Variants in ARHGAP21 observed in about 807,000 individuals in gnomAD.
The protein encoded by ARHGAP21 is Rho GTPase activating protein 21.
A neutral mutation model predicts 164.6 loss-of-function variants in ARHGAP21; 38 were observed. That is an observed-to-expected ratio of 0.23 (90% confidence interval 0.18 to 0.30). ARHGAP21 has a LOEUF of 0.30. Among genes scored for constraint, ARHGAP21 ranks in the 10% least tolerant of loss-of-function variants. The pLI is 1.00. For synonymous variants in ARHGAP21, 766 were observed against 857.9 expected (o/e 0.89, Z 1.87); for missense variants, 1,822 against 2,370.7 (o/e 0.77, Z 4.81).
chr10:24,652,853 T>C (rs1007728383), intron 4 of ARHGAP21, among the ~76,000 whole-genome samples: 2 of 152,180 alleles, frequency 1.3e-5, no homozygotes, highest in Non-Finnish European at 1.5e-5. Context: ...GAAAACTGTT[T>C]AGCGGCATCT....
intron 2 of ARHGAP21, among the ~76,000 whole-genome samples, chr10:24,709,694 A>T (rs1844578955): frequency 6.6e-6 from 1 of 151,504 alleles, no homozygotes; most frequent in African/African-American, 2.4e-5. Flanking sequence ...AGCCATGTTC[A>T]TGTCACTGCA....
At chr10:24,688,545 G>A (rs1842426803) in intron 2 of ARHGAP21, among the ~76,000 whole-genome samples, 1 of 152,198 alleles carries the variant, frequency 6.6e-6, no homozygotes, top group Non-Finnish European at 1.5e-5. Flanking sequence ...CAGTAAGAGA[G>A]TACTGCTCCA....
intron 2 of ARHGAP21, among the ~76,000 whole-genome samples, chr10:24,705,585 G>A (rs1565193930): frequency 1.3e-5 from 2 of 152,224 alleles, no homozygotes; most frequent in Non-Finnish European, 2.9e-5. Context: ...TCACAGTTAT[G>A]GAAGAACTGA....
At chr10:24,678,021 G>A (rs1841989545) in intron 2 of ARHGAP21, among the ~76,000 whole-genome samples, 1 of 151,894 alleles carries the variant, frequency 6.6e-6, no homozygotes, top group South Asian at 2.1e-4. Context: ...CAGCACTTAG[G>A]GAGGCAGAGG....
chr10:24,711,303 A>G (rs1156869187), intron 2 of ARHGAP21, among the ~76,000 whole-genome samples: 1 of 151,964 alleles, frequency 6.6e-6, no homozygotes, highest in East Asian at 1.9e-4. Context: ...GAAGGGTTTC[A>G]GGCATTTGAT....
chr10:24,721,832 C>A lies in ARHGAP21; in HGVS notation c.63+5G>T. 1 of 1,614,192 alleles carries A rather than the reference C, an allele frequency of 6.2e-7. No individual in the cohort carries two copies. Among genetic ancestry groups the A allele is most frequent in the Non-Finnish European group, 8.5e-7 (1 of 1,180,022 alleles). ...GCCGGCCAGGAACGCTGGCTCCGCG[C>A]TTACCTCGCAGGCCTTGAGCTTGTC... On this transcript the variant is annotated splice_donor_5th_base_variant and intron_variant, in intron 2 of 25. Coordinates refer to ENST00000396432, the MANE Select transcript of ARHGAP21 (RefSeq NM_020824.4).
rs577073436 is a variant in ARHGAP21, at chr10:24,664,219, C to T, written c.268+2766G>A. On this transcript the variant is annotated intron_variant, in intron 4 of 25. Coordinates refer to ENST00000396432, the MANE Select transcript of ARHGAP21 (RefSeq NM_020824.4). ...GATCATATTCTCATCTTTTCTATGG[C>T]CACTGGCAAGCTCAAAAGCAAACTT... 4.6e-5 allele frequency among the ~76,000 whole-genome samples: 7 copies of T among 152,198 alleles called. No homozygotes were observed. In the East Asian group the frequency reaches 1.4e-3, roughly 29 times the overall value.
intron 25 of ARHGAP21, among the ~76,000 whole-genome samples, chr10:24,586,651 G>A (rs1033835855): frequency 6.6e-6 from 1 of 152,188 alleles, no homozygotes. Flanking sequence ...AGGGAACTCT[G>A]GTCTTCCATT....
chr10:24,591,421 A>G (rs1266763917), intron 23 of ARHGAP21, 91 bp from the exon 24 acceptor site: 1 of 1,231,374 alleles, frequency 8.1e-7, no homozygotes, highest in African/African-American at 1.5e-5. Context: ...CACATTACTA[A>G]GTAAAGCACC....
At chr10:24,635,772 C>T (rs553442922) in intron 4 of ARHGAP21, among the ~76,000 whole-genome samples, 5 of 152,300 alleles carry the variant, frequency 3.3e-5, no homozygotes, top group African/African-American at 9.6e-5. Context: ...GTCTCGAACT[C>T]CTGACCCCGT....
chr10:24,696,732 A>G (rs1442620825), intron 2 of ARHGAP21, among the ~76,000 whole-genome samples: 1 of 152,212 alleles, frequency 6.6e-6, no homozygotes, highest in Non-Finnish European at 1.5e-5. Flanking sequence ...ATGACAGACC[A>G]TGACAGAAGG....
chr10:24,618,310 C>T (rs1260143209), intron 9 of ARHGAP21, among the ~76,000 whole-genome samples: 1 of 152,098 alleles, frequency 6.6e-6, no homozygotes, highest in Non-Finnish European at 1.5e-5. Flanking sequence ...GCATTAGGGA[C>T]ACAAAAGTGA....
rs12570122 is a variant in ARHGAP21 at position 24,673,589 on chromosome 10, T to C, written c.64-3192A>G. On this transcript the variant is annotated intron_variant, in intron 2 of 25. Coordinates refer to ENST00000396432, the MANE Select transcript of ARHGAP21 (RefSeq NM_020824.4). ...AATGATCATACACCTAGGCCGGCCG[T>C]GGTGGCTCACGCCTGTAATCCCAGC... Among the ~76,000 whole-genome samples the C allele has an allele frequency of 9.9e-3, 1,506 of 152,276 alleles. 21 individuals carry two copies. Among genetic ancestry groups the C allele is most frequent in the East Asian group, 0.038 (196 of 5,180 alleles).
At chr10:24,690,254 A>C (rs1194400549) in intron 2 of ARHGAP21, among the ~76,000 whole-genome samples, 1 of 152,180 alleles carries the variant, frequency 6.6e-6, no homozygotes, top group Non-Finnish European at 1.5e-5. Context: ...TAAATTCCTA[A>C]GAATGGAGCT....
intron 2 of ARHGAP21, among the ~76,000 whole-genome samples, chr10:24,718,168 G>A (rs868624529): frequency 6.6e-6 from 1 of 152,196 alleles, no homozygotes; most frequent in Non-Finnish European, 1.5e-5. Flanking sequence ...TGACGAGACG[G>A]AAGAGTGAGA....
chr10:24,679,058 A>T (rs2131866775), intron 2 of ARHGAP21, among the ~76,000 whole-genome samples: 1 of 152,348 alleles, frequency 6.6e-6, no homozygotes, highest in Non-Finnish European at 1.5e-5. Flanking sequence ...CTATGAATAA[A>T]TATGCTATGA....
chr10:24,593,704 T>C (rs1341964014), intron 21 of ARHGAP21, among the ~76,000 whole-genome samples: 1 of 152,158 alleles, frequency 6.6e-6, no homozygotes, highest in Non-Finnish European at 1.5e-5. Flanking sequence ...CTTTCTAAAT[T>C]AACTAGACCA....
chr10:24,662,814 C>A (rs1042897813), intron 4 of ARHGAP21, among the ~76,000 whole-genome samples: 1 of 152,098 alleles, frequency 6.6e-6, no homozygotes. Flanking sequence ...TCTTATTAGT[C>A]TTTTAACTAA....
chr10:24,721,546 A>G (rs1845937533), intron 2 of ARHGAP21, among the ~76,000 whole-genome samples: 1 of 152,214 alleles, frequency 6.6e-6, no homozygotes, highest in African/African-American at 2.4e-5. Flanking sequence ...TCAGGCTTGT[A>G]GCATCCACAG....
Sources: allele counts gnomAD v4.1 joint callset (sites outside exome capture counted in the v4.1 genomes callset), GRCh38; gene constraint gnomAD v4.1.1; transcripts MANE v1.5; gene names NCBI Gene and HGNC (gene_info 2026-07-23, HGNC 2026-07-21).